SEC61B: variants seen among roughly 807,000 people sequenced by gnomAD.
SEC61B encodes protein transport protein Sec61 subunit beta.
A neutral mutation model predicts 12.6 loss-of-function variants in SEC61B; 7 were observed. The ratio of observed to expected loss-of-function variants is 0.55; its 90% CI spans 0.32 to 1.04. The LOEUF (loss-of-function observed/expected upper bound fraction) is 1.04, where lower values mean the gene tolerates loss of function less well. Ranked by LOEUF, SEC61B falls within the 50% of genes least tolerant of loss-of-function variation. The pLI is 0.05. For synonymous variants in SEC61B, 54 were observed against 50.1 expected (o/e 1.08, Z -0.33); for missense variants, 107 against 130.1 (o/e 0.82, Z 0.86).
At chr9:99,227,277 A>G (rs1016557716) in intron 2 of SEC61B, among the ~76,000 whole-genome samples, 1 of 151,038 alleles carries the variant, frequency 6.6e-6, no homozygotes, top group Admixed American at 6.6e-5. Context: ...AAAAAAAAAA[A>G]AAAAAAAAAA....
intron 2 of SEC61B, among the ~76,000 whole-genome samples, chr9:99,227,287 A>C (rs987050456): frequency 6.6e-6 from 1 of 151,470 alleles, no homozygotes; most frequent in Admixed American, 6.6e-5. Context: ...AAAAAAAAAA[A>C]AAAACAAACT....
At chr9:99,222,718 A>AC in intron 2 of SEC61B, 75 bp downstream of exon 2, 1 of 1,056,720 alleles carries the variant, frequency 9.5e-7, no homozygotes, top group Non-Finnish European at 1.3e-6. Flanking sequence ...TGGGGTGGAG[A>AC]CCCTAGCATG....
At chr9:99,227,566 A>G (rs955306959) in intron 2 of SEC61B, among the ~76,000 whole-genome samples, 1 of 152,198 alleles carries the variant, frequency 6.6e-6, no homozygotes, top group Admixed American at 6.5e-5. Flanking sequence ...GGGCATGCAG[A>G]TGGGCTCCAG....
intron 3 of SEC61B, among the ~76,000 whole-genome samples, chr9:99,228,315 A>T (rs17787533): frequency 0.061 from 9,363 of 152,292 alleles, 336 homozygotes; most frequent in Non-Finnish European, 0.078. Context: ...TCATTTGGTG[A>T]TCTTGCCCCG....
chr9:99,230,527 A>G lies in SEC61B; in HGVS notation c.*103A>G. On this transcript the variant is annotated 3_prime_UTR_variant, in exon 4 of 4. Transcript: ENST00000223641. ...CTGTTCATGAGAGAAATTTTCTGTAAGCTTGCTGTTTTACAGGGGATTTAT... is the reference window on the plus strand; with the variant it reads ...CTGTTCATGAGAGAAATTTTCTGTAGGCTTGCTGTTTTACAGGGGATTTAT... 2 of 746,218 alleles carry G rather than the reference A, an allele frequency of 2.7e-6. No individual in the cohort carries two copies. Among genetic ancestry groups the G allele is most frequent in the South Asian group, 3.3e-5 (2 of 61,094 alleles). The allele number at this position is 746,218 out of a possible 1,614,324, so 46.2% of individuals were successfully genotyped here. A position where few individuals can be genotyped will look rare whatever the true frequency, so the allele number is the denominator to read the frequency against.
intron 1 of SEC61B, 49 bp downstream of exon 1, chr9:99,222,415 C>T (rs1005837465): frequency 1.9e-6 from 3 of 1,613,750 alleles, no homozygotes; most frequent in Non-Finnish European, 1.7e-6. Context: ...GCCCTGACTC[C>T]TCCTGCTTTG....
chr9:99,223,288 C>T (rs1386589501), intron 2 of SEC61B: 1 of 150,462 alleles, frequency 6.6e-6, no homozygotes, highest in Non-Finnish European at 1.5e-5. Context: ...TACTCTTCTG[C>T]GTAGTTTCTG....
chr9:99,229,035 T>G (rs1057316981), intron 3 of SEC61B, among the ~76,000 whole-genome samples: 7 of 152,140 alleles, frequency 4.6e-5, no homozygotes, highest in African/African-American at 1.7e-4. Context: ...TTTGTAACTT[T>G]ACAAATTTGT....
chr9:99,228,916 C>T (rs556794623), intron 3 of SEC61B, among the ~76,000 whole-genome samples: 1 of 152,248 alleles, frequency 6.6e-6, no homozygotes, highest in Non-Finnish European at 1.5e-5. Context: ...GTCCTATGCT[C>T]TTTGCATATT....
chr9:99,222,390 C>T, intron 1 of SEC61B, 24 bp downstream of exon 1: 1 of 1,614,158 alleles, frequency 6.2e-7, no homozygotes, highest in Non-Finnish European at 8.5e-7. Context: ...TCCATGATCC[C>T]CGCCTCTCCC....
At chr9:99,225,526 T>G (rs1232975202) in intron 2 of SEC61B, among the ~76,000 whole-genome samples, 2 of 152,140 alleles carry the variant, frequency 1.3e-5, no homozygotes, top group Non-Finnish European at 2.9e-5. Context: ...TAGAACCAAG[T>G]GTGTAACTGG....
At chr9:99,224,905 A>G (rs929401519) in intron 2 of SEC61B, among the ~76,000 whole-genome samples, 3 of 152,218 alleles carry the variant, frequency 2.0e-5, no homozygotes, top group Non-Finnish European at 2.9e-5. Context: ...TGATGAGGTG[A>G]TAGATACTAC....
chr9:99,228,077 C>A, intron 3 of SEC61B, 77 bp downstream of exon 3: 1 of 1,139,834 alleles, frequency 8.8e-7, no homozygotes, highest in Non-Finnish European at 1.3e-6. Flanking sequence ...TCTCTGTCAC[C>A]AGTAGCGTTT....
intron 2 of SEC61B, among the ~76,000 whole-genome samples, chr9:99,227,653 C>T (rs965324889): frequency 2.0e-5 from 3 of 152,082 alleles, no homozygotes; most frequent in Admixed American, 1.3e-4. Flanking sequence ...GGCCAATTTG[C>T]CTCATTTATA....
At chr9:99,224,331 T>C (rs1333613740) in intron 2 of SEC61B, among the ~76,000 whole-genome samples, 1 of 152,234 alleles carries the variant, frequency 6.6e-6, no homozygotes, top group Non-Finnish European at 1.5e-5. Context: ...GTTTAACTTA[T>C]ATGGGCTTTG....
intron 2 of SEC61B, among the ~76,000 whole-genome samples, chr9:99,226,579 C>G (rs543003816): frequency 1.3e-5 from 2 of 152,292 alleles, no homozygotes; most frequent in East Asian, 1.9e-4. Context: ...CCCACTAGGA[C>G]TTCTGAGTTG....
intron 2 of SEC61B, among the ~76,000 whole-genome samples, chr9:99,223,392 T>G (rs1437333228): frequency 6.7e-6 from 1 of 150,028 alleles, no homozygotes; most frequent in African/African-American, 2.4e-5. Context: ...CTAACCTTTC[T>G]TTTTCCTTTT....
At chr9:99,224,184 T>C (rs1828871106) in intron 2 of SEC61B, among the ~76,000 whole-genome samples, 1 of 152,218 alleles carries the variant, frequency 6.6e-6, no homozygotes, top group East Asian at 1.9e-4. Flanking sequence ...AATCTAAAAC[T>C]GATGATTTGA....
chr9:99,229,320 A>C lies in SEC61B; in HGVS notation c.204-1017A>C, dbSNP rs540673117. 5.9e-5 allele frequency among the ~76,000 whole-genome samples: 9 copies of C among 152,186 alleles called. No homozygotes were observed. The East Asian group carries it at 1.5e-3, about 26-fold the overall frequency. On this transcript the variant is annotated intron_variant, in intron 3 of 3. Coordinates refer to ENST00000223641, the MANE Select transcript of SEC61B (RefSeq NM_006808.3). ...GGTGGAGGTAGTTTGAGTATTTCAG[A>C]GAGAATTTTTTTTTCTCCTTTAGCG... is the stretch of plus-strand genomic sequence containing the variant.
Sources: allele counts gnomAD v4.1 joint callset (sites outside exome capture counted in the v4.1 genomes callset), GRCh38; gene constraint gnomAD v4.1.1; transcripts MANE v1.5; gene names NCBI Gene and HGNC (gene_info 2026-07-23, HGNC 2026-07-21).